Variants in IDUA observed in about 807,000 individuals in gnomAD.
The protein encoded by IDUA is iduronidase alpha-L-.
A neutral mutation model predicts 68.9 loss-of-function variants in IDUA; 65 were observed. The ratio of observed to expected loss-of-function variants is 0.94; its 90% CI spans 0.77 to 1.16. IDUA has a LOEUF of 1.16. Among genes scored for constraint, IDUA ranks in the 50% most tolerant of loss-of-function variants. IDUA has a pLI of 0.00. For synonymous variants in IDUA, 529 were observed against 433.6 expected (o/e 1.22, Z -2.73); for missense variants, 1,046 against 938.0 (o/e 1.12, Z -1.50).
rs556742610 is a variant in IDUA, at chr4:991,070, C to T, written c.299+3121C>T. On this transcript the variant is annotated intron_variant, in intron 2 of 13. Coordinates refer to ENST00000514224, the MANE Select transcript of IDUA (RefSeq NM_000203.5). The stretch of plus-strand genomic sequence containing the variant: ...CCCCCAGCCTTGCCCTCGTGGATGG[C>T]CAAAACCTAAGGGGGGGTGCCCTGG... 10 of 1,487,170 alleles carry T rather than the reference C, an allele frequency of 6.7e-6. 1 individual carries two copies. The highest frequency in any genetic ancestry group is 2.5e-4 in the Middle Eastern group (1 of 3,938). The allele number at this position is 1,487,170 out of a possible 1,614,324, so 92.1% of individuals were successfully genotyped here.
intron 2 of IDUA, chr4:988,864 C>T (rs1713961057): frequency 6.3e-7 from 1 of 1,596,152 alleles, no homozygotes. Flanking sequence ...CTCCAGCTCC[C>T]TGTGGCGGGC....
In IDUA at chr4:1,002,117, C is replaced by T. The variant is rs121965023; in HGVS notation, c.928C>T (p.Gln310Ter). 1 of 1,570,606 alleles carries T rather than the reference C, an allele frequency of 6.4e-7. No individual in the cohort carries two copies. The highest frequency in any genetic ancestry group is 8.6e-7 in the Non-Finnish European group (1 of 1,158,762). The change falls in exon 7 of 14, where the codon CAG becomes TAG. Residue 310 changes from glutamine (Q) to a stop codon, truncating the protein, a stop_gained. Transcript: ENST00000514224. LOFTEE classifies it high-confidence loss of function. ...ADPLVGWSLP[Q>*]PWRADVTYAA... ...CCCGCTGGTGGGCTGGTCCCTGCCA[C>T]AGCCGTGGAGGGCGGACGTGACCTA...
At chr4:1,000,159 A>G in intron 2 of IDUA, 2 of 229,592 alleles carry the variant, frequency 8.7e-6, no homozygotes, top group Non-Finnish European at 1.7e-5. Flanking sequence ...CTGCAAGTGC[A>G]GTGGCAGGGT....
intron 10 of IDUA, 68 bp downstream of exon 10, chr4:1,003,225 G>A: frequency 2.4e-6 from 3 of 1,272,848 alleles, no homozygotes; most frequent in Non-Finnish European, 2.0e-6. Context: ...GGTCCGGGGC[G>A]GGGGCTCCGA....
At chr4:1,001,068 C>T (rs1380341187) in intron 4 of IDUA, 79 bp downstream of exon 4, 2 of 987,184 alleles carry the variant, frequency 2.0e-6, no homozygotes, top group African/African-American at 1.6e-5. Flanking sequence ...ACGCAGGCTG[C>T]TGCCTGGTCA....
Position 1,004,396 on chromosome 4 carries a change from C to T in IDUA, c.*3C>T, listed in dbSNP as rs780941939. ...CCCCATCCCCGGGCAATCCATGAGC[C>T]TGTGCTGAGCCCCAGTGGGTTGCAC... On this transcript the variant is annotated 3_prime_UTR_variant, in exon 14 of 14. Transcript: ENST00000514224. The surrounding 1 kb of genome is among the most constrained non-coding windows in gnomAD (Gnocchi z 5.0). 12 of 1,610,060 alleles carry T rather than the reference C, an allele frequency of 7.5e-6. No homozygotes were observed. The South Asian group carries it at 8.8e-5, about 12-fold the overall frequency.
intron 2 of IDUA, chr4:989,319 G>C: frequency 1.2e-6 from 2 of 1,610,758 alleles, no homozygotes; most frequent in South Asian, 2.2e-5. Context: ...CCCCAAAGCG[G>C]AACACCCGCA....
intron 2 of IDUA, chr4:989,111 G>A (rs763681246): frequency 6.2e-7 from 1 of 1,605,110 alleles, no homozygotes; most frequent in South Asian, 1.1e-5. Flanking sequence ...ACCACTGTGT[G>A]GAAGCCGGCC....
chr4:1,003,827 A>C, intron 12 of IDUA, 185 bp from the exon 13 acceptor site: 3 of 779,660 alleles, frequency 3.8e-6, no homozygotes, highest in South Asian at 1.5e-5. Context: ...CTCCTAGGGG[A>C]CATGAGATGG....
At position 1,003,124 on chromosome 4, in the gene IDUA, G is replaced by A. The variant is rs374102243; in HGVS notation, c.1491G>A (p.Thr497=). 1.3e-5 allele frequency: 20 copies of A among 1,504,656 alleles called. No homozygotes were observed. The African/African-American group carries it at 2.0e-4, about 15-fold the overall frequency. 93.2% of individuals were successfully genotyped at this position (1,504,656 alleles called of 1,614,324 possible). ...WRRLGRPVFP[T]AEQFRRMRAA... is the part of the protein sequence containing the mutation. Reference sequence around the variant, plus strand: ...GCCTGGGCCGGCCCGTCTTCCCCACGGCAGAGCAGTTCCGGCGCATGCGCG... The same window carrying A: ...GCCTGGGCCGGCCCGTCTTCCCCACAGCAGAGCAGTTCCGGCGCATGCGCG... Residue 497 remains threonine (T), a synonymous_variant, in exon 10 of 14, where the codon ACG becomes ACA. Transcript: ENST00000514224.
rs1230234600 is a variant in IDUA, at chr4:1,001,745, G to C, written c.656G>C (p.Gly219Ala). Residue 219 changes from glycine to alanine, a missense_variant, in exon 6 of 14, where the codon GGA becomes GCA. Physicochemically the swap from Gly to Ala is moderately conservative, Grantham distance 60. Transcript: ENST00000514224. The stretch of plus-strand genomic sequence containing the variant: ...GCCGCCAGCCCCGCCCTGCGGCTGG[G>C]AGGCCCCGGCGACTCCTTCCACACC... ...LRAASPALRL[G>A]GPGDSFHTPP... The C allele has an allele frequency of 1.9e-6, 3 of 1,598,598 alleles. No homozygotes were observed. Among genetic ancestry groups the C allele is most frequent in the Non-Finnish European group, 2.5e-6 (3 of 1,177,906 alleles).
rs772988328 is a variant in IDUA at position 1,003,151 on chromosome 4, G to C, written c.1518G>C (p.Ala506=). ...CAGAGCAGTTCCGGCGCATGCGCGC[G>C]GCTGAGGTAGGTGGGCCGCGGAGGG... is the stretch of plus-strand genomic sequence containing the variant. ...PTAEQFRRMR[A]AEDPVAAAPR... The change falls in exon 10 of 14, where the codon GCG becomes GCC. Residue 506 remains alanine, a synonymous_variant. Transcript: ENST00000514224. 4 of 1,421,234 alleles carry C rather than the reference G, an allele frequency of 2.8e-6. No individual in the cohort carries two copies. Among genetic ancestry groups the C allele is most frequent in the Middle Eastern group, 2.1e-4 (1 of 4,726 alleles). 88.0% of individuals were successfully genotyped at this position (1,421,234 alleles called of 1,614,324 possible). A position where few individuals can be genotyped will look rare whatever the true frequency, so the allele number is the denominator to read the frequency against.
intron 2 of IDUA, among the ~76,000 whole-genome samples, chr4:994,215 G>T (rs1453287792): frequency 1.3e-5 from 2 of 152,172 alleles, no homozygotes; most frequent in Non-Finnish European, 2.9e-5. Context: ...CTAGACAGGA[G>T]GATCGCTTAA....
At chr4:987,508 G>T in intron 1 of IDUA, 1 of 832,326 alleles carries the variant, frequency 1.2e-6, no homozygotes, top group Non-Finnish European at 1.8e-6. Context: ...GGGAGTGGAC[G>T]GCCCTGCAGC....
intron 2 of IDUA, chr4:991,596 C>T: frequency 1.3e-6 from 2 of 1,596,554 alleles, no homozygotes; most frequent in Non-Finnish European, 1.7e-6. Flanking sequence ...AGCAGCTGCA[C>T]CACAGCCTGG....
At position 1,001,475 on chromosome 4, in the gene IDUA, C is replaced by T. The variant is rs200726100; in HGVS notation, c.501C>T (p.Tyr167=). The T allele has an allele frequency of 5.0e-6, 8 of 1,612,822 alleles. No homozygotes were observed. The highest frequency in any genetic ancestry group is 2.2e-5 in the East Asian group (1 of 44,880). ...AGCAAGGCTCCTCTGCAGGTAGGTA[C>T]GGACTGGCGCATGTTTCCAAGTGGA... ...SSLARRYIGR[Y]GLAHVSKWNF... The change falls in exon 5 of 14, where the codon TAC becomes TAT. Residue 167 remains tyrosine (Y), a synonymous_variant. Coordinates refer to ENST00000514224, the MANE Select transcript of IDUA (RefSeq NM_000203.5).
At chr4:990,812 GA>G (rs892888938) in intron 2 of IDUA, 5 of 414,670 alleles carry the variant, frequency 1.2e-5, no homozygotes, top group African/African-American at 8.1e-5. Flanking sequence ...ACCTAGGACA[GA>G]AGGCCTGGGA....
In IDUA at chr4:987,461, G is replaced by A. The variant is rs574713915; in HGVS notation, c.158+219G>A. ...CCCCTGCAGCCCAGGCCGATGCCCGGGATCCTGCTCTTTGAGGTAAACCAG... is the reference window on the plus strand; with the variant it reads ...CCCCTGCAGCCCAGGCCGATGCCCGAGATCCTGCTCTTTGAGGTAAACCAG... On this transcript the variant is annotated intron_variant, in intron 1 of 13. Transcript: ENST00000514224. 1.9e-4 allele frequency among the ~76,000 whole-genome samples: 29 copies of A among 152,294 alleles called. No homozygotes were observed. In the East Asian group the frequency reaches 3.5e-3, roughly 18 times the overall value.
intron 2 of IDUA, chr4:992,583 ACG>A: frequency 4.8e-6 from 1 of 207,494 alleles, no homozygotes; most frequent in Non-Finnish European, 9.8e-6. Flanking sequence ...CAGTTCTGGG[ACG>A]TGAGGCGCCC....
Sources: gnomAD v4.1 joint callset for allele counts (sites outside exome capture counted in the v4.1 genomes callset) on GRCh38, gnomAD v4.1.1 for gene constraint, Gnocchi (gnomAD v3.1) non-coding constraint, MANE v1.5 for transcripts, NCBI Gene and HGNC (gene_info 2026-07-23, HGNC 2026-07-21) for gene names.